Variants in MGST1 observed in about 807,000 individuals in gnomAD.
MGST1 encodes the protein glutathione S-transferase 12.
Under a neutral mutation model 8.9 loss-of-function variants are expected in MGST1, and 5 were observed. The observed-to-expected ratio is 0.56, with a 90% CI of 0.29 to 1.19. MGST1 has a LOEUF of 1.19. Ranked by LOEUF, MGST1 falls within the 50% of genes most tolerant of loss-of-function variation. The pLI, the probability that MGST1 is intolerant of heterozygous loss-of-function variation, is 0.08. For missense variants in MGST1, 182 were observed against 187.4 expected (o/e 0.97, Z 0.17); for synonymous variants, 54 against 67.8 (o/e 0.80, Z 1.00).
chr12:16,399,014 CAA>C (rs1387759441), intron 1 of MGST1, among the ~76,000 whole-genome samples: 1 of 152,020 alleles, frequency 6.6e-6, no homozygotes, highest in Non-Finnish European at 1.5e-5. Flanking sequence ...AAGAATGAAA[CAA>C]TATTTATTAA....
chr12:16,434,458 G>A (rs527337328), intron 1 of MGST1, among the ~76,000 whole-genome samples: 2 of 151,880 alleles, frequency 1.3e-5, no homozygotes, highest in African/African-American at 4.8e-5. Flanking sequence ...GTGTGTGTGT[G>A]TGTGTTTCCG....
chr12:16,380,691 G>A (rs534230896), downstream of MGST1, among the ~76,000 whole-genome samples: 2 of 152,146 alleles, frequency 1.3e-5, no homozygotes, highest in African/African-American at 4.8e-5. Flanking sequence ...CAATTCCTGG[G>A]TATCCTTGTT....
In MGST1 at chr12:16,361,412, G is replaced by A. The variant is rs1030711132; in HGVS notation, c.222-2383G>A. On this transcript the variant is annotated intron_variant, in intron 3 of 3. Coordinates refer to ENST00000396210, the MANE Select transcript of MGST1 (RefSeq NM_020300.5). The surrounding 1 kb of genome is among the most constrained non-coding windows in gnomAD (Gnocchi z 4.2). ...CCGTCACAGAGCAAATATATGCCAG[G>A]GCATGTGTGTCCAAAGGAGAAAGAA... Among the ~76,000 whole-genome samples the A allele has an allele frequency of 6.6e-6, 1 of 152,178 alleles. No homozygotes were observed. The highest frequency in any genetic ancestry group is 1.5e-5 in the Non-Finnish European group (1 of 68,042).
chr12:16,556,094 G>T (rs1942179221), intron 4 of MGST1, among the ~76,000 whole-genome samples: 1 of 151,944 alleles, frequency 6.6e-6, no homozygotes, highest in Non-Finnish European at 1.5e-5. Context: ...CTAGCACAGT[G>T]CTTTATTCTT....
rs896959971 is a variant in MGST1 at position 16,401,429 on chromosome 12, C to A, written n.778+17825C>A. On this transcript the variant is annotated intron_variant and non_coding_transcript_variant, in intron 1 of 1. Coordinates refer to the MGST1 transcript ENST00000359720. This position sits in a 1 kb window ranked among gnomAD's most constrained non-coding sequence, Gnocchi z 4.3. ...AGTTCTGGCTTCTGCTTTTTAGCCA[C>A]GTCCATGACAGCATTATATACATCA... 1.1e-6 allele frequency: 1 copy of A among 882,436 alleles called. No individual in the cohort carries two copies. The highest frequency in any genetic ancestry group is 1.9e-6 in the Non-Finnish European group (1 of 518,048). 54.7% of individuals were successfully genotyped at this position (882,436 alleles called of 1,614,324 possible).
rs1942469977 is a variant in MGST1 at position 16,563,325 on chromosome 12, C to G, written n.483-26203C>G. Reference sequence around the variant, plus strand: ...CGAGTTCTCTTTTTTCTCAGTGGGACAAACCCAGGATTCTCTGGGAAAATA... The same window carrying G: ...CGAGTTCTCTTTTTTCTCAGTGGGAGAAACCCAGGATTCTCTGGGAAAATA... On this transcript the variant is annotated intron_variant and non_coding_transcript_variant, in intron 4 of 4. Transcript: ENST00000538857. 2.6e-5 allele frequency among the ~76,000 whole-genome samples: 4 copies of G among 152,230 alleles called. No homozygotes were observed. In the South Asian group the frequency reaches 8.3e-4, roughly 32 times the overall value.
intron 4 of MGST1, among the ~76,000 whole-genome samples, chr12:16,511,172 C>T (rs1941574712): frequency 6.6e-6 from 1 of 152,138 alleles, no homozygotes; most frequent in Admixed American, 6.5e-5. Flanking sequence ...AAGTGTTAGG[C>T]AAGTTAAAGT....
At chr12:16,384,197 G>A (rs899065142) in intron 1 of MGST1, among the ~76,000 whole-genome samples, 2 of 152,110 alleles carry the variant, frequency 1.3e-5, no homozygotes, top group Admixed American at 1.3e-4. Context: ...CCTATTGAAG[G>A]ATATGCCCCA....
At chr12:16,395,307 A>G (rs1940595020) in intron 1 of MGST1, among the ~76,000 whole-genome samples, 1 of 152,122 alleles carries the variant, frequency 6.6e-6, no homozygotes, top group African/African-American at 2.4e-5. Context: ...AAGTATCCAT[A>G]TATGTCCGTG....
chr12:16,475,206 T>C (rs950656412), intron 4 of MGST1, among the ~76,000 whole-genome samples: 5 of 152,142 alleles, frequency 3.3e-5, no homozygotes, highest in African/African-American at 9.7e-5. Context: ...ACATGAGTTG[T>C]TTAATGAATG....
chr12:16,464,410 T>G (rs2137128255), intron 4 of MGST1, among the ~76,000 whole-genome samples: 1 of 152,322 alleles, frequency 6.6e-6, no homozygotes, highest in East Asian at 1.9e-4. Flanking sequence ...AAGAATGATT[T>G]CTTTCACCCT....
exon 4 of MGST1, chr12:16,376,213 G>T: frequency 1.3e-6 from 1 of 781,392 alleles, no homozygotes; most frequent in Non-Finnish European, 2.0e-6. Context: ...ATGTTTCCTT[G>T]TAGAAGCAAA....
intron 1 of MGST1, among the ~76,000 whole-genome samples, chr12:16,420,135 A>T (rs752680063): frequency 8.6e-5 from 13 of 151,998 alleles, no homozygotes; most frequent in Non-Finnish European, 1.9e-4. Context: ...AGAATCATAC[A>T]AAATAATTTT....
chr12:16,436,166 C>G (rs1361775086), intron 1 of MGST1, among the ~76,000 whole-genome samples: 1 of 151,890 alleles, frequency 6.6e-6, no homozygotes, highest in East Asian at 1.9e-4. Context: ...AAGCTATTTG[C>G]TTTTCTTGAT....
At chr12:16,399,397 G>C in intron 1 of MGST1, 1 of 1,513,542 alleles carries the variant, frequency 6.6e-7, no homozygotes, top group Non-Finnish European at 9.2e-7. Context: ...CTTCGACTTT[G>C]TTCTTCTTCT....
chr12:16,557,069 G>A (rs764090813), intron 4 of MGST1, among the ~76,000 whole-genome samples: 1 of 152,096 alleles, frequency 6.6e-6, no homozygotes, highest in Non-Finnish European at 1.5e-5. Flanking sequence ...AATTGTGAAT[G>A]CAACTTTTTA....
chr12:16,379,159 T>C (rs1591712061), downstream of MGST1, among the ~76,000 whole-genome samples: 3 of 152,298 alleles, frequency 2.0e-5, no homozygotes, highest in Non-Finnish European at 1.5e-5. Flanking sequence ...TGCCTGATTG[T>C]CCTGGCCAGA....
At chr12:16,487,460 C>A (rs1941407067) in intron 4 of MGST1, among the ~76,000 whole-genome samples, 1 of 152,096 alleles carries the variant, frequency 6.6e-6, no homozygotes, top group Non-Finnish European at 1.5e-5. Flanking sequence ...GATATCAAAA[C>A]TGTATAGGAA....
intron 1 of MGST1, among the ~76,000 whole-genome samples, chr12:16,430,163 T>G (rs1373017593): frequency 3.3e-5 from 5 of 152,212 alleles, no homozygotes; most frequent in African/African-American, 1.2e-4. Flanking sequence ...ATTATGAGGT[T>G]ACAGCAGTTT....
Sources: gnomAD v4.1 joint callset for allele counts (sites outside exome capture counted in the v4.1 genomes callset) on GRCh38, gnomAD v4.1.1 for gene constraint, Gnocchi (gnomAD v3.1) non-coding constraint, MANE v1.5 for transcripts, NCBI Gene and HGNC (gene_info 2026-07-23, HGNC 2026-07-21) for gene names.